The following FGF13 variants were observed in gnomAD, a reference collection of about 807,000 sequenced individuals.
FGF13 encodes fibroblast growth factor homologous factor 2.
Under a neutral mutation model 19.5 loss-of-function variants are expected in FGF13, and 2 were observed. The observed-to-expected ratio is 0.10, with a 90% confidence interval of 0.04 to 0.32. The LOEUF (loss-of-function observed/expected upper bound fraction) is 0.32. Ranked by LOEUF, FGF13 falls within the 10% of genes least tolerant of loss-of-function variation. The probability of loss-of-function intolerance (pLI) is 1.00; values close to 1 mark genes in which losing one functional copy is unlikely to be tolerated. For missense variants in FGF13, 113 were observed against 192.7 expected, an observed-to-expected ratio of 0.59 and a Z score of 2.45; for synonymous variants, 72 against 76.9, an observed-to-expected ratio of 0.94 and a Z score of 0.33.
At chrX:138,709,531 T>C (rs747327865) in intron 1 of FGF13, among the ~76,000 whole-genome samples, 1 of 112,198 alleles carries the variant, frequency 8.9e-6, no homozygotes, top group East Asian at 2.8e-4. Context: ...ATATTAATTA[T>C]CATTAGTGAA....
chrX:138,676,382 T>C (rs17510172), intron 3 of FGF13, among the ~76,000 whole-genome samples: 23 of 111,253 alleles, frequency 2.1e-4, no homozygotes, highest in Admixed American at 5.7e-4. Flanking sequence ...TTCAAAGACA[T>C]GTTAAAACAT....
chrX:138,797,029 T>C (rs1602868276), intron 3 of FGF13, among the ~76,000 whole-genome samples: 1 of 112,143 alleles, frequency 8.9e-6, no homozygotes, highest in East Asian at 2.8e-4. Flanking sequence ...GATGATAGTT[T>C]ATTTTGCTGT....
intron 1 of FGF13, among the ~76,000 whole-genome samples, chrX:139,174,936 G>C (rs763188730): frequency 1.8e-5 from 2 of 112,158 alleles, no homozygotes; most frequent in Admixed American, 1.9e-4. Context: ...TGTGAAGAAA[G>C]TCAGTGGTAG....
intron 1 of FGF13, among the ~76,000 whole-genome samples, chrX:139,092,755 C>G (rs1364333360): frequency 1.8e-5 from 2 of 111,710 alleles, no homozygotes; most frequent in African/African-American, 6.5e-5. Flanking sequence ...CCCCAAAAGC[C>G]CCACAAGAGA....
At chrX:139,065,221 T>C (rs752256988) in intron 1 of FGF13, among the ~76,000 whole-genome samples, 1 of 110,976 alleles carries the variant, frequency 9.0e-6, no homozygotes, top group Non-Finnish European at 1.9e-5. Context: ...TAAAGATCAT[T>C]GACACTATGA....
At chrX:138,851,777 T>G (rs1016954302) in intron 3 of FGF13, among the ~76,000 whole-genome samples, 1 of 111,842 alleles carries the variant, frequency 8.9e-6, no homozygotes, top group Non-Finnish European at 1.9e-5. Context: ...GAAGTCAAAT[T>G]GTCTTTCTTT....
chrX:138,973,168 C>T (rs760240616), intron 1 of FGF13, among the ~76,000 whole-genome samples: 7 of 111,888 alleles, frequency 6.3e-5, no homozygotes, highest in Non-Finnish European at 1.3e-4. Context: ...TCTCTTGGAG[C>T]TGCCTTTGCT....
At chrX:139,098,110 C>G (rs1390838015) in intron 1 of FGF13, among the ~76,000 whole-genome samples, 1 of 111,390 alleles carries the variant, frequency 9.0e-6, no homozygotes, top group East Asian at 2.8e-4. Context: ...GTGTTATGCT[C>G]TACTATTTCA....
chrX:138,767,477 C>T (rs963324068), intron 3 of FGF13, among the ~76,000 whole-genome samples: 4 of 111,542 alleles, frequency 3.6e-5, no homozygotes, highest in Admixed American at 9.6e-5. Context: ...ATGGATCAAA[C>T]TTTGAGAAAC....
At chrX:138,707,055 A>AG (rs1455519103) in intron 2 of FGF13, among the ~76,000 whole-genome samples, 3 of 112,247 alleles carry the variant, frequency 2.7e-5, no homozygotes, top group Non-Finnish European at 5.6e-5. Context: ...CGTATCAGTC[A>AG]GTTATAAGAC....
chrX:138,716,941 T>C (rs1364952257), intron 1 of FGF13, among the ~76,000 whole-genome samples: 1 of 112,503 alleles, frequency 8.9e-6, no homozygotes, highest in Non-Finnish European at 1.9e-5. Context: ...ACTTAAGCTA[T>C]AGAATTTACT....
chrX:139,052,181 CCA>C (rs72408772), intron 1 of FGF13, among the ~76,000 whole-genome samples: 27,465 of 107,722 alleles, frequency 0.25, 3,601 homozygotes, highest in African/African-American at 0.49. Flanking sequence ...TGTTTTCACA[CCA>C]CACACACACA....
intron 3 of FGF13, among the ~76,000 whole-genome samples, chrX:138,748,323 G>A (rs2090371385): frequency 9.0e-6 from 1 of 111,438 alleles, no homozygotes; most frequent in African/African-American, 3.3e-5. Context: ...GATAATTAAG[G>A]TTACATTAGG....
In FGF13 at chrX:138,702,616, G is replaced by GT. The variant is rs772347990; in HGVS notation, c.402+367dup. On this transcript the variant is annotated intron_variant, in intron 3 of 4. Transcript: ENST00000315930. ...AGCTGATCTGAGGGAGAGATCTCAT[G>GT]TTTTTTTAGGAGTAAACCTGGATAA... Among the ~76,000 whole-genome samples, 9 of 112,020 alleles carry GT rather than the reference G, an allele frequency of 8.0e-5. No homozygotes were observed. In the East Asian group the frequency reaches 2.5e-3, roughly 32 times the overall value.
At chrX:139,047,978 CA>C (rs1359660411) in intron 1 of FGF13, among the ~76,000 whole-genome samples, 1 of 110,786 alleles carries the variant, frequency 9.0e-6, no homozygotes, top group Non-Finnish European at 1.9e-5. Flanking sequence ...CAGATGTATG[CA>C]AATATTTTCT....
At chrX:139,073,857 C>T (rs973087176) in intron 1 of FGF13, among the ~76,000 whole-genome samples, 56 of 112,626 alleles carry the variant, frequency 5.0e-4, no homozygotes, top group African/African-American at 1.5e-3. Flanking sequence ...AAAATTATTA[C>T]AGGGTTTAGT....
chrX:138,641,906 A>G (rs2089255122), intron 3 of FGF13, among the ~76,000 whole-genome samples: 1 of 111,863 alleles, frequency 8.9e-6, no homozygotes, highest in Non-Finnish European at 1.9e-5. Context: ...AGCTCCTAAC[A>G]TAAGGGCTGG....
chrX:138,712,433 C>T (rs981695613), upstream of FGF13, among the ~76,000 whole-genome samples: 11 of 111,526 alleles, frequency 9.9e-5, no homozygotes, highest in Admixed American at 5.7e-4. Context: ...TCGAACCTCT[C>T]TATTTAAGCT....
intron 1 of FGF13, among the ~76,000 whole-genome samples, chrX:138,931,893 G>A (rs1300076664): frequency 2.7e-5 from 3 of 111,421 alleles, no homozygotes; most frequent in Non-Finnish European, 5.6e-5. Flanking sequence ...AAGAAAAAAT[G>A]ACCAAAACTC....
Sources: allele counts gnomAD v4.1 joint callset (sites outside exome capture counted in the v4.1 genomes callset), GRCh38; gene constraint gnomAD v4.1.1; transcripts MANE v1.5; gene names NCBI Gene and HGNC (gene_info 2026-07-23, HGNC 2026-07-21).